ZNF688: variants seen among roughly 807,000 people sequenced by gnomAD.
ZNF688 encodes zinc finger protein 688.
ZNF688 carries 10 observed loss-of-function variants against 13.2 expected under a neutral mutation model. The observed-to-expected ratio is 0.76, with a 90% CI of 0.47 to 1.28. The LOEUF (loss-of-function observed/expected upper bound fraction) is 1.28, where lower values mean the gene tolerates loss of function less well. Among genes scored for constraint, ZNF688 ranks in the 50% most tolerant of loss-of-function variants. The pLI, the probability that ZNF688 is intolerant of heterozygous loss-of-function variation, is 0.00. For synonymous variants in ZNF688, 160 were observed against 159.4 expected, an observed-to-expected ratio of 1.00 and a Z score of -0.03; for missense variants, 381 against 391.4, an observed-to-expected ratio of 0.97 and a Z score of 0.22.
intron 2 of ZNF688, 158 bp from the exon 3 acceptor site, chr16:30,570,594 G>C: frequency 2.2e-6 from 2 of 900,912 alleles, no homozygotes; most frequent in Non-Finnish European, 1.6e-6. Context: ...TCCTAAAAGT[G>C]CCTTATCTGA....
At chr16:30,572,376 C>G, upstream of ZNF688, 1 of 1,312,328 alleles carries the variant, frequency 7.6e-7, no homozygotes, top group South Asian at 1.9e-5. Context: ...ACGCGCACAC[C>G]CTGGCAAACC....
At chr16:30,573,117 G>A (rs1051391730), upstream of ZNF688, among the ~76,000 whole-genome samples, 7 of 151,996 alleles carry the variant, frequency 4.6e-5, no homozygotes, top group Non-Finnish European at 2.9e-5. Context: ...TATTAAGTCA[G>A]GCTGGTCTCG....
chr16:30,573,431 G>T (rs150432200), upstream of ZNF688, among the ~76,000 whole-genome samples: 1 of 152,166 alleles, frequency 6.6e-6, no homozygotes, highest in East Asian at 1.9e-4. Flanking sequence ...GCCAAGATGG[G>T]TCATCCTCAT....
chr16:30,579,448 A>T, the ZNF688 span: 1 of 174,392 alleles, frequency 5.7e-6, no homozygotes. Flanking sequence ...AGTGCAATGG[A>T]GCCATCTCAG....
chr16:30,577,047 TG>T (rs2051753786), upstream of ZNF688, among the ~76,000 whole-genome samples: 1 of 151,990 alleles, frequency 6.6e-6, no homozygotes, highest in East Asian at 1.9e-4. Context: ...ATTACAGGTG[TG>T]GACCACCATG....
upstream of ZNF688, chr16:30,571,806 A>G (rs769641258): frequency 6.0e-5 from 79 of 1,317,836 alleles, no homozygotes; most frequent in Non-Finnish European, 7.6e-5. Context: ...GGATTCTGAT[A>G]GGGACAAATA....
chr16:30,571,280 C>A, intron 1 of ZNF688, 154 bp downstream of exon 1: 1 of 1,537,840 alleles, frequency 6.5e-7, no homozygotes, highest in South Asian at 1.2e-5. Flanking sequence ...TGAAAACACT[C>A]CCGAGGGGGT....
At chr16:30,574,191 G>C (rs980511363), upstream of ZNF688, among the ~76,000 whole-genome samples, 1 of 151,902 alleles carries the variant, frequency 6.6e-6, no homozygotes, top group Non-Finnish European at 1.5e-5. Flanking sequence ...AGGTTGCAGT[G>C]AGCAAGATCA....
Position 30,570,034 on chromosome 16 carries a change from C to G in ZNF688, c.713G>C (p.Gly238Ala), listed in dbSNP as rs2051645583. The G allele has an allele frequency of 6.2e-7, 1 of 1,611,150 alleles. No individual in the cohort carries two copies. The highest frequency in any genetic ancestry group is 8.5e-7 in the Non-Finnish European group (1 of 1,179,340). Residue 238 changes from glycine to alanine, a missense_variant, in exon 3 of 3, where the codon GGG (glycine) becomes GCG (alanine). Transcript: ENST00000223459. ...CCCAGGCCTCCGGCCCCGCCGCCCCCCGGAGCAGGAGCGGTGGATCCACTG... is the reference window on the plus strand; with the variant it reads ...CCCAGGCCTCCGGCCCCGCCGCCCCGCGGAGCAGGAGCGGTGGATCCACTG... ...AHQWIHRSCS[G>A]GRRGRRPGIR...
upstream of ZNF688, among the ~76,000 whole-genome samples, chr16:30,576,150 C>T (rs553498183): frequency 3.3e-5 from 5 of 152,030 alleles, no homozygotes; most frequent in Non-Finnish European, 7.4e-5. Context: ...TGGGTTCAAC[C>T]GATTCTCCTG....
chr16:30,571,344 G>A lies in ZNF688; in HGVS notation c.196+90C>T, dbSNP rs560999747. Reference sequence around the variant, plus strand: ...TGCTGGTGTTGGTGCAAGAGTGCGGGATTAGGGCTCACAGTCCTCTCGGCC... The same window carrying A: ...TGCTGGTGTTGGTGCAAGAGTGCGGAATTAGGGCTCACAGTCCTCTCGGCC... On this transcript the variant is annotated intron_variant, in intron 1 of 2. Coordinates refer to ENST00000223459, the MANE Select transcript of ZNF688 (RefSeq NM_145271.4). 2.0e-6 allele frequency: 3 copies of A among 1,534,546 alleles called. No homozygotes were observed. The Admixed American group carries it at 6.0e-5, about 31-fold the overall frequency.
upstream of ZNF688, among the ~76,000 whole-genome samples, chr16:30,574,819 A>C (rs73534292): frequency 6.6e-6 from 1 of 152,156 alleles, no homozygotes; most frequent in African/African-American, 2.4e-5. Context: ...CTTCTTCCTA[A>C]GTGTATGTTT....
At chr16:30,571,797 G>A, upstream of ZNF688, 3 of 1,318,996 alleles carry the variant, frequency 2.3e-6, no homozygotes, top group Middle Eastern at 8.4e-4. Flanking sequence ...GGGATTCGAG[G>A]ATTCTGATAG....
At chr16:30,573,950 A>G, upstream of ZNF688, 2 of 313,984 alleles carry the variant, frequency 6.4e-6, no homozygotes, top group Middle Eastern at 1.5e-3. Context: ...TTAAATTTTG[A>G]AAATATTTAA....
At chr16:30,571,836 C>A, upstream of ZNF688, 1 of 1,291,686 alleles carries the variant, frequency 7.7e-7, no homozygotes, top group Non-Finnish European at 9.8e-7. Flanking sequence ...AGTGTTTATT[C>A]ACTTCATGGC....
upstream of ZNF688, chr16:30,572,067 A>G (rs2051695350): frequency 6.8e-6 from 10 of 1,462,180 alleles, no homozygotes; most frequent in African/African-American, 1.5e-5. Context: ...TCTGGGAAGT[A>G]GAGGAGAGGC....
the ZNF688 span, among the ~76,000 whole-genome samples, chr16:30,577,903 C>T: frequency 6.6e-6 from 1 of 152,152 alleles, no homozygotes; most frequent in African/African-American, 2.4e-5. Context: ...CTCCTGGCTT[C>T]AAGTGATCCA....
Position 30,569,753 on chromosome 16 carries a change from C to G in ZNF688, c.*163G>C. 2.6e-6 allele frequency: 1 copy of G among 388,122 alleles called. No individual in the cohort carries two copies. Among genetic ancestry groups the G allele is most frequent in the South Asian group, 5.5e-5 (1 of 18,262 alleles). 24.0% of individuals were successfully genotyped at this position (388,122 alleles called of 1,614,324 possible). On this transcript the variant is annotated 3_prime_UTR_variant, in exon 3 of 3. Coordinates refer to ENST00000223459, the MANE Select transcript of ZNF688 (RefSeq NM_145271.4). The stretch of plus-strand genomic sequence containing the variant: ...GGTGGCAAGTCTAATCTATTCGAAT[C>G]TTTACAGGCACTTTTCTTTTTACAA...
chr16:30,572,984 G>A (rs1158693321), upstream of ZNF688, among the ~76,000 whole-genome samples: 7 of 152,184 alleles, frequency 4.6e-5, no homozygotes, highest in South Asian at 2.1e-4. Flanking sequence ...TAGGCTCACC[G>A]CAACCTTCGC....
Sources: gnomAD v4.1 joint callset for allele counts (sites outside exome capture counted in the v4.1 genomes callset) on GRCh38, gnomAD v4.1.1 for gene constraint, MANE v1.5 for transcripts, NCBI Gene and HGNC (gene_info 2026-07-23, HGNC 2026-07-21) for gene names.